The following EMP1 variants were observed in gnomAD, a reference collection of about 807,000 sequenced individuals.
The protein encoded by EMP1 is epithelial membrane protein 1.
A neutral mutation model predicts 15.7 loss-of-function variants in EMP1; 5 were observed. The observed-to-expected ratio is 0.32, with a 90% CI of 0.17 to 0.67. The LOEUF is 0.67. Among genes scored for constraint, EMP1 ranks in the 30% least tolerant of loss-of-function variants. The pLI, the probability that EMP1 is intolerant of heterozygous loss-of-function variation, is 0.74. For missense variants in EMP1, 166 were observed against 194.2 expected, an observed-to-expected ratio of 0.85 and a Z score of 0.86; for synonymous variants, 78 against 76.7, an observed-to-expected ratio of 1.02 and a Z score of -0.09.
At position 13,211,924 on chromosome 12, in the gene EMP1, T is replaced by A. The variant is rs1462285130; in HGVS notation, c.78+336T>A. 1 of 299,228 alleles carries A rather than the reference T, an allele frequency of 3.3e-6. No individual in the cohort carries two copies. The highest frequency in any genetic ancestry group is 2.2e-5 in the African/African-American group (1 of 45,564). The allele number at this position is 299,228 out of a possible 1,614,324, so 18.5% of individuals were successfully genotyped here. A position where few individuals can be genotyped will look rare whatever the true frequency, so the allele number is the denominator to read the frequency against. On this transcript the variant is annotated intron_variant, in intron 2 of 4. Coordinates refer to ENST00000256951, the MANE Select transcript of EMP1 (RefSeq NM_001423.3). This position sits in a 1 kb window ranked among gnomAD's most constrained non-coding sequence, Gnocchi z 4.7. ...AGTGGTAGATGGCTGAGGTTTCTCT[T>A]AGTGAAAGAGGGAAGGTGGAAGGAT...
intron 1 of EMP1, chr12:13,199,282 G>A (rs1046493460): frequency 6.6e-6 from 1 of 152,522 alleles, no homozygotes; most frequent in African/African-American, 2.4e-5. Flanking sequence ...CCAGAGACCA[G>A]ATTAGGCCCA....
Position 13,215,249 on chromosome 12 carries a change from G to T in EMP1, c.*558G>T, listed in dbSNP as rs1864204456. 1 of 152,864 alleles carries T rather than the reference G, an allele frequency of 6.5e-6. No homozygotes were observed. Among genetic ancestry groups the T allele is most frequent in the Non-Finnish European group, 1.5e-5 (1 of 68,558 alleles). 9.5% of individuals were successfully genotyped at this position (152,864 alleles called of 1,614,324 possible). On this transcript the variant is annotated 3_prime_UTR_variant, in exon 5 of 5. Transcript: ENST00000256951. ...CAGATATTTAGCTCTGTGGAATTCA[G>T]TGACAAAATGGGAGGAGGAAAGAGA...
chr12:13,204,143 C>A (rs999622956), intron 1 of EMP1, among the ~76,000 whole-genome samples: 3 of 152,186 alleles, frequency 2.0e-5, no homozygotes, highest in Admixed American at 1.3e-4. Context: ...TTTCCAACAT[C>A]AAGTCCTACC....
intron 1 of EMP1, among the ~76,000 whole-genome samples, chr12:13,204,220 C>T (rs765346365): frequency 3.3e-5 from 5 of 152,102 alleles, no homozygotes; most frequent in Non-Finnish European, 7.4e-5. Flanking sequence ...CCCTGAGAAT[C>T]CTTTTTCTCC....
rs886769423 is a variant in EMP1 at position 13,219,884 on chromosome 12, A to C, written c.*5193A>C. The C allele has an allele frequency of 2.6e-5, 4 of 152,238 alleles. No homozygotes were observed. The highest frequency in any genetic ancestry group is 7.2e-5 in the African/African-American group (3 of 41,476). The allele number at this position is 152,238 out of a possible 1,614,324, so 9.4% of individuals were successfully genotyped here. The stretch of plus-strand genomic sequence containing the variant: ...TATTTTATTTATGATATGGGCTAAA[A>C]AGACTTCTGTAATCTAGCTTGGAAA... On this transcript the variant is annotated 3_prime_UTR_variant, in exon 5 of 5. Coordinates refer to ENST00000256951, the MANE Select transcript of EMP1 (RefSeq NM_001423.3).
intron 1 of EMP1, among the ~76,000 whole-genome samples, chr12:13,205,064 G>A (rs917042494): frequency 6.6e-6 from 1 of 152,282 alleles, no homozygotes; most frequent in Admixed American, 6.5e-5. Flanking sequence ...CTTTCTAATC[G>A]GGGAAGGGAT....
intron 1 of EMP1, among the ~76,000 whole-genome samples, chr12:13,203,568 A>T (rs1864085033): frequency 6.6e-6 from 1 of 152,282 alleles, no homozygotes; most frequent in Non-Finnish European, 1.5e-5. Context: ...AGGCTCTGCC[A>T]GAGAAGCATA....
At position 13,215,594 on chromosome 12, in the gene EMP1, T is replaced by C. The variant is rs1037129426; in HGVS notation, c.*903T>C. On this transcript the variant is annotated 3_prime_UTR_variant, in exon 5 of 5. Transcript: ENST00000256951. ...ATGCAGTCAGTGTTTCTTTTAAGTA[T>C]ACAACAGGAGAGAGATGGACATGGC... The C allele has an allele frequency of 2.0e-5, 3 of 152,384 alleles. No homozygotes were observed. The highest frequency in any genetic ancestry group is 2.1e-4 in the South Asian group (1 of 4,830). 9.4% of individuals were successfully genotyped at this position (152,384 alleles called of 1,614,324 possible). A position where few individuals can be genotyped will look rare whatever the true frequency, so the allele number is the denominator to read the frequency against.
intron 1 of EMP1, among the ~76,000 whole-genome samples, chr12:13,209,786 T>C (rs1565579000): frequency 6.6e-6 from 1 of 152,180 alleles, no homozygotes; most frequent in East Asian, 1.9e-4. Flanking sequence ...AAGCAGAAAA[T>C]TGGGGAGGTG....
chr12:13,218,309 G>T lies in EMP1; in HGVS notation c.*3618G>T, dbSNP rs894667408. On this transcript the variant is annotated 3_prime_UTR_variant, in exon 5 of 5. Coordinates refer to ENST00000256951, the MANE Select transcript of EMP1 (RefSeq NM_001423.3). ...CATATGAAGACCAAAAGGATATTGAGCAGGGTTCCATACTTGAATAAAGGA... is the reference window on the plus strand; with the variant it reads ...CATATGAAGACCAAAAGGATATTGATCAGGGTTCCATACTTGAATAAAGGA... 1 of 152,202 alleles carries T rather than the reference G, an allele frequency of 6.6e-6. No individual in the cohort carries two copies. Among genetic ancestry groups the T allele is most frequent in the South Asian group, 2.1e-4 (1 of 4,826 alleles). 9.4% of individuals were successfully genotyped at this position (152,202 alleles called of 1,614,324 possible).
At chr12:13,198,944 T>A (rs1565576490) in intron 1 of EMP1, among the ~76,000 whole-genome samples, 2 of 147,404 alleles carry the variant, frequency 1.4e-5, no homozygotes, top group Admixed American at 6.7e-5. Context: ...GAGGGTTATT[T>A]TTCCCCCCCA....
At chr12:13,199,964 C>CTTTTTTTTT (rs60389913) in intron 1 of EMP1, among the ~76,000 whole-genome samples, 8 of 107,612 alleles carry the variant, frequency 7.4e-5, no homozygotes, top group Non-Finnish European at 1.2e-4. Flanking sequence ...TCTTCTTCTT[C>CTTTTTTTTT]TTTTTTTTTT....
intron 2 of EMP1, among the ~76,000 whole-genome samples, chr12:13,212,843 T>C (rs1022772035): frequency 4.6e-5 from 7 of 152,234 alleles, no homozygotes; most frequent in African/African-American, 1.7e-4. Flanking sequence ...GGCGGCACCA[T>C]GATCAGTCTG....
chr12:13,219,462 C>T lies in EMP1; in HGVS notation c.*4771C>T, dbSNP rs1314019827. The T allele has an allele frequency of 6.6e-6, 1 of 152,224 alleles. No homozygotes were observed. The highest frequency in any genetic ancestry group is 1.5e-5 in the Non-Finnish European group (1 of 68,038). 9.4% of individuals were successfully genotyped at this position (152,224 alleles called of 1,614,324 possible). On this transcript the variant is annotated 3_prime_UTR_variant, in exon 5 of 5. Transcript: ENST00000256951. ...TCATCTTCCTGTCTTCTTCTGAGCC[C>T]TCCAAACTCTTCCAACCTCTACCCG...
At chr12:13,210,253 T>A (rs1052979659) in intron 1 of EMP1, among the ~76,000 whole-genome samples, 2 of 152,200 alleles carry the variant, frequency 1.3e-5, no homozygotes, top group African/African-American at 4.8e-5. Context: ...GTGGAACAAT[T>A]GCAGGATGCG....
rs1864241194 is a variant in EMP1 at position 13,219,471 on chromosome 12, C to A, written c.*4780C>A. ...TGTCTTCTTCTGAGCCCTCCAAACTCTTCCAACCTCTACCCGTTACCCAGT... is the reference window on the plus strand; with the variant it reads ...TGTCTTCTTCTGAGCCCTCCAAACTATTCCAACCTCTACCCGTTACCCAGT... On this transcript the variant is annotated 3_prime_UTR_variant, in exon 5 of 5. Coordinates refer to ENST00000256951, the MANE Select transcript of EMP1 (RefSeq NM_001423.3). 6.6e-6 allele frequency: 1 copy of A among 152,240 alleles called. No individual in the cohort carries two copies. 9.4% of individuals were successfully genotyped at this position (152,240 alleles called of 1,614,324 possible). A position where few individuals can be genotyped will look rare whatever the true frequency, so the allele number is the denominator to read the frequency against.
Position 13,213,545 on chromosome 12 carries a change from T to A in EMP1, c.145T>A (p.Cys49Ser). 3 of 1,614,218 alleles carry A rather than the reference T, an allele frequency of 1.9e-6. No individual in the cohort carries two copies. The highest frequency in any genetic ancestry group is 2.5e-6 in the Non-Finnish European group (3 of 1,180,040). Reference sequence around the variant, plus strand: ...TTGGAAAAACTGTACCAACATTAGCTGCAGTGACAGCCTGTCATATGCCAG... The same window carrying A: ...TTGGAAAAACTGTACCAACATTAGCAGCAGTGACAGCCTGTCATATGCCAG... ...GLWKNCTNIS[C>S]SDSLSYASED... is the part of the protein sequence containing the mutation. Residue 49 changes from cysteine (C) to serine (S), a missense_variant, in exon 3 of 5, where the codon TGC becomes AGC. Cys to Ser is a moderately radical substitution (Grantham distance 112). Transcript: ENST00000256951.
intron 2 of EMP1, among the ~76,000 whole-genome samples, chr12:13,212,089 A>G (rs947085522): frequency 6.6e-6 from 1 of 152,224 alleles, no homozygotes; most frequent in Non-Finnish European, 1.5e-5. Flanking sequence ...GATTAGAAGG[A>G]TAGATGGGAA....
In EMP1 at chr12:13,216,836, C is replaced by T. The variant is rs915147568; in HGVS notation, c.*2145C>T. ...AATATGGATAATTATGACATTTATCCCTCATTAAGCTGCCTATCAGTTTGA... is the reference window on the plus strand; with the variant it reads ...AATATGGATAATTATGACATTTATCTCTCATTAAGCTGCCTATCAGTTTGA... On this transcript the variant is annotated 3_prime_UTR_variant, in exon 5 of 5. Coordinates refer to ENST00000256951, the MANE Select transcript of EMP1 (RefSeq NM_001423.3). 3 of 176,444 alleles carry T rather than the reference C, an allele frequency of 1.7e-5. No homozygotes were observed. The highest frequency in any genetic ancestry group is 3.6e-5 in the Non-Finnish European group (3 of 84,032). 10.9% of individuals were successfully genotyped at this position (176,444 alleles called of 1,614,324 possible).
Sources: gnomAD v4.1 joint callset for allele counts (sites outside exome capture counted in the v4.1 genomes callset) on GRCh38, gnomAD v4.1.1 for gene constraint, Gnocchi (gnomAD v3.1) non-coding constraint, MANE v1.5 for transcripts, NCBI Gene and HGNC (gene_info 2026-07-23, HGNC 2026-07-21) for gene names.